CCDC194: variants seen among roughly 807,000 people sequenced by gnomAD.
CCDC194 encodes coiled-coil domain containing 194, also known as coiled-coil domain-containing protein 194.
A neutral mutation model predicts 4.9 loss-of-function variants in CCDC194; 8 were observed. That is an observed-to-expected ratio of 1.65 (90% CI 0.97 to 2.97). CCDC194 has a LOEUF of 2.97. CCDC194 is among the 30% of genes most tolerant of loss of function. The pLI, the probability that CCDC194 is intolerant of heterozygous loss-of-function variation, is 0.00. For synonymous variants in CCDC194, 13 were observed against 17.0 expected, an observed-to-expected ratio of 0.76 and a Z score of 0.58; for missense variants, 52 against 43.1, an observed-to-expected ratio of 1.21 and a Z score of -0.58.
At chr19:17,388,165 C>T (rs1157455794), downstream of CCDC194, among the ~76,000 whole-genome samples, 2 of 145,502 alleles carry the variant, frequency 1.4e-5, no homozygotes, top group African/African-American at 2.6e-5. Flanking sequence ...GGATTACAGG[C>T]GTGAGCCACC....
At chr19:17,388,418 CTTCTTTCTT>C (rs930227829), downstream of CCDC194, among the ~76,000 whole-genome samples, 1 of 151,160 alleles carries the variant, frequency 6.6e-6, no homozygotes, top group Non-Finnish European at 1.5e-5. Flanking sequence ...CTTTCTTTCT[CTTCTTTCTT>C]TTCTTGAAGG....
chr19:17,391,825 T>A lies in CCDC194; in HGVS notation c.346A>T (p.Thr116Ser), dbSNP rs749041093. 35 of 1,534,044 alleles carry A rather than the reference T, an allele frequency of 2.3e-5. 1 individual carries two copies. Among genetic ancestry groups the A allele is most frequent in the Non-Finnish European group, 3.1e-5 (35 of 1,146,130 alleles). The change falls in exon 2 of 4, where the codon ACG becomes TCG. Residue 116 changes from threonine to serine, a missense_variant. Physicochemically the swap from Thr to Ser is moderately conservative, Grantham distance 58. Coordinates refer to ENST00000636079, the Ensembl canonical transcript of CCDC194. Reference sequence around the variant, plus strand: ...TCGTCCATCTCAATCTTCAGTGTCGTTAGTTGGGTCTGAAGCCGGCTCTGA... The same window carrying A: ...TCGTCCATCTCAATCTTCAGTGTCGATAGTTGGGTCTGAAGCCGGCTCTGA...
chr19:17,387,835 C>T (rs927742355), downstream of CCDC194, among the ~76,000 whole-genome samples: 10 of 152,226 alleles, frequency 6.6e-5, no homozygotes, highest in East Asian at 1.9e-4. Flanking sequence ...GGTTGCATAG[C>T]GTTCCACTGT....
chr19:17,391,661 C>A, intron 2 of CCDC194, 89 bp downstream of exon 2: 1 of 1,534,456 alleles, frequency 6.5e-7, no homozygotes, highest in Non-Finnish European at 8.7e-7. Context: ...ATTTGCATTA[C>A]GTTTGCAACT....
Position 17,390,978 on chromosome 19 carries a change from G to C in CCDC194, c.554+233C>G, listed in dbSNP as rs2074651978. On this transcript the variant is annotated intron_variant, in intron 3 of 3. Transcript: ENST00000636079. This position sits in a 1 kb window ranked among gnomAD's most constrained non-coding sequence, Gnocchi z 5.5. ...GGGCTCCCACCGACGCTGGATCCTG[G>C]GGACCTAAGTTTCTAGAATGCCCGC... is the stretch of plus-strand genomic sequence containing the variant. Among the ~76,000 whole-genome samples, 1 of 151,986 alleles carries C rather than the reference G, an allele frequency of 6.6e-6. No individual in the cohort carries two copies. Among genetic ancestry groups the C allele is most frequent in the African/African-American group, 2.4e-5 (1 of 41,384 alleles).
intron 1 of CCDC194, among the ~76,000 whole-genome samples, chr19:17,392,672 C>G (rs776882284): frequency 6.6e-6 from 1 of 152,194 alleles, no homozygotes; most frequent in African/African-American, 2.4e-5. Flanking sequence ...ACCTCGACTG[C>G]CCCAGTCCCT....
chr19:17,390,267 G>C (rs554230381), downstream of CCDC194, among the ~76,000 whole-genome samples: 1 of 152,318 alleles, frequency 6.6e-6, no homozygotes, highest in South Asian at 2.1e-4. The surrounding 1 kb of genome is among the most constrained non-coding windows in gnomAD (Gnocchi z 5.5). Context: ...TCAAATCCCA[G>C]CTAAGCACTA....
upstream of CCDC194, chr19:17,394,172 G>A (rs1027064932): frequency 1.9e-4 from 75 of 391,156 alleles, 1 homozygote; most frequent in Middle Eastern, 1.3e-3. Flanking sequence ...GCGGTCCACA[G>A]CTCTGGCCCC....
chr19:17,393,997 A>G lies in CCDC194; in HGVS notation c.162T>C (p.Asn54=), dbSNP rs2074664916. The G allele has an allele frequency of 7.6e-6, 3 of 392,238 alleles. No homozygotes were observed. The South Asian group carries it at 3.8e-4, about 50-fold the overall frequency. 24.3% of individuals were successfully genotyped at this position (392,238 alleles called of 1,614,324 possible). The change falls in exon 1 of 4, where the codon AAT becomes AAC. Residue 54 remains asparagine, a synonymous_variant. Transcript: ENST00000636079. ...GCGGGTCCCCGGGCGGCGCCGTGGC[A>G]TTGGCCCCTGGCTCCGGGCAGCGAG...
At chr19:17,393,650 T>C (rs2074663403) in intron 1 of CCDC194, among the ~76,000 whole-genome samples, 185 bp downstream of exon 1, 1 of 152,024 alleles carries the variant, frequency 6.6e-6, no homozygotes, top group African/African-American at 2.4e-5. Context: ...GATCAGAAGG[T>C]AGACTCCATG....
At chr19:17,388,193 CTTTTTTTTT>C (rs71162117), downstream of CCDC194, among the ~76,000 whole-genome samples, 9 of 92,096 alleles carry the variant, frequency 9.8e-5, no homozygotes, top group Admixed American at 2.5e-4. Context: ...TCTTTTTTTC[CTTTTTTTTT>C]TTTTTTTTTT....
chr19:17,390,998 G>A lies in CCDC194; in HGVS notation c.554+213C>T, dbSNP rs2074652033. Among the ~76,000 whole-genome samples, 2 of 151,874 alleles carry A rather than the reference G, an allele frequency of 1.3e-5. No homozygotes were observed. The highest frequency in any genetic ancestry group is 1.3e-4 in the Admixed American group (2 of 15,238). On this transcript the variant is annotated intron_variant, in intron 3 of 3. Coordinates refer to ENST00000636079, the Ensembl canonical transcript of CCDC194. The surrounding 1 kb of genome is among the most constrained non-coding windows in gnomAD (Gnocchi z 5.5). ...TCCTGGGGACCTAAGTTTCTAGAATGCCCGCCCCAGCCTGGAATCCCAAGA... is the reference window on the plus strand; with the variant it reads ...TCCTGGGGACCTAAGTTTCTAGAATACCCGCCCCAGCCTGGAATCCCAAGA...
chr19:17,392,462 GACTCCGTCTCAGA>G (rs762243371), intron 1 of CCDC194, among the ~76,000 whole-genome samples: 16 of 152,134 alleles, frequency 1.1e-4, no homozygotes, highest in Non-Finnish European at 2.4e-4. Context: ...AAAAGAGCAT[GACTCCGTCTCAGA>G]ACAAACAAAC....
At chr19:17,389,722 T>C (rs1196027893), downstream of CCDC194, among the ~76,000 whole-genome samples, 2 of 152,206 alleles carry the variant, frequency 1.3e-5, no homozygotes, top group East Asian at 1.9e-4. Context: ...TCCCAGCACT[T>C]TGGGAGGCCG....
chr19:17,387,336 C>A (rs1178556584), downstream of CCDC194, among the ~76,000 whole-genome samples: 2 of 152,178 alleles, frequency 1.3e-5, no homozygotes, highest in Admixed American at 6.6e-5. Context: ...CCCTGGTTCG[C>A]TCCCCAGAGG....
chr19:17,388,817 AT>A (rs377558740), downstream of CCDC194, among the ~76,000 whole-genome samples: 3 of 150,866 alleles, frequency 2.0e-5, no homozygotes, highest in Non-Finnish European at 3.0e-5. Flanking sequence ...TTTCTTAATA[AT>A]TTTTTTATAG....
At chr19:17,388,395 GTCTTTCTTTTT>G (rs1023369336), downstream of CCDC194, among the ~76,000 whole-genome samples, 38 of 149,802 alleles carry the variant, frequency 2.5e-4, no homozygotes, top group Admixed American at 2.5e-3. Flanking sequence ...TTTCTTTTTT[GTCTTTCTTTTT>G]TCTTTCTTTC....
At chr19:17,394,132 C>T (rs2074665662) in exon 1 of CCDC194, 1 of 392,812 alleles carries the variant, frequency 2.5e-6, no homozygotes, top group Non-Finnish European at 4.5e-6. Context: ...GCCAGGCACG[C>T]CCGGGCTCCG....
At chr19:17,390,446 C>T, downstream of CCDC194, 1 of 285,680 alleles carries the variant, frequency 3.5e-6, no homozygotes, top group Non-Finnish European at 6.0e-6. This position sits in a 1 kb window ranked among gnomAD's most constrained non-coding sequence, Gnocchi z 5.5. Flanking sequence ...TATACACGTC[C>T]CCGCAGACCC....
Sources: gnomAD v4.1 joint callset for allele counts (sites outside exome capture counted in the v4.1 genomes callset) on GRCh38, gnomAD v4.1.1 for gene constraint, Gnocchi (gnomAD v3.1) non-coding constraint, MANE v1.5 for transcripts, NCBI Gene and HGNC (gene_info 2026-07-23, HGNC 2026-07-21) for gene names.